The following BPTF variants were observed in gnomAD, a reference collection of about 807,000 sequenced individuals.
BPTF encodes nucleosome-remodeling factor subunit BPTF.
In BPTF, 18 loss-of-function variants were observed where a neutral mutation model predicts 292.5. The observed-to-expected ratio is 0.06, with a 90% CI of 0.04 to 0.09. The LOEUF is 0.09. Ranked by LOEUF, BPTF falls within the 10% of genes least tolerant of loss-of-function variation. The pLI, the probability that BPTF is intolerant of heterozygous loss-of-function variation, is 1.00. For synonymous variants in BPTF, 1,225 were observed against 1,251.9 expected, an observed-to-expected ratio of 0.98 and a Z score of 0.45; for missense variants, 2,726 against 3,498.7, an observed-to-expected ratio of 0.78 and a Z score of 5.57.
At chr17:67,826,360 G>T (rs754051052) in intron 1 of BPTF, 23 bp downstream of exon 1, 84 of 1,590,166 alleles carry the variant, frequency 5.3e-5, no homozygotes, top group Non-Finnish European at 6.7e-5. Context: ...CCCAGTTGCT[G>T]CAGACTCCTT....
At chr17:67,952,555 G>A (rs1374643305) in intron 23 of BPTF, among the ~76,000 whole-genome samples, 2 of 152,022 alleles carry the variant, frequency 1.3e-5, no homozygotes, top group Non-Finnish European at 2.9e-5. Context: ...GAGCCACCAC[G>A]CCCAGCCAAT....
chr17:67,845,701 G>A (rs1047278198), intron 1 of BPTF, among the ~76,000 whole-genome samples: 1 of 152,042 alleles, frequency 6.6e-6, no homozygotes, highest in Non-Finnish European at 1.5e-5. Context: ...TTGAGCCCAG[G>A]AGGTGAGGCT....
Position 67,826,174 on chromosome 17 carries a change from C to G in BPTF, c.450C>G (p.Gly150=). The change falls in exon 1 of 28, where the codon GGC becomes GGG. Residue 150 remains glycine (G), a synonymous_variant. Transcript: ENST00000306378. ...CCGAGGAGGAGGAGGAGGAGGACGG[C>G]GACGCCGAGGAGACCCAGGATTCTG... ...MVSEEEEEED[G]DAEETQDSED... is the part of the protein sequence containing the mutation. 6.3e-7 allele frequency: 1 copy of G among 1,590,940 alleles called. No homozygotes were observed. Among genetic ancestry groups the G allele is most frequent in the South Asian group, 1.1e-5 (1 of 90,614 alleles).
chr17:67,891,819 G>T, intron 4 of BPTF, 25 bp from the exon 5 acceptor site: 1 of 1,526,728 alleles, frequency 6.5e-7, no homozygotes, highest in Non-Finnish European at 8.8e-7. Context: ...GTCAGCAATT[G>T]CTTTGTGGCC....
At chr17:67,896,794 A>G (rs1457828789) in intron 7 of BPTF, among the ~76,000 whole-genome samples, 1 of 152,228 alleles carries the variant, frequency 6.6e-6, no homozygotes, top group African/African-American at 2.4e-5. Flanking sequence ...TGTCACATGC[A>G]ATTAAAGACT....
At chr17:67,977,173 GTCA>G (rs1555694428) in intron 27 of BPTF, among the ~76,000 whole-genome samples, 1 of 152,168 alleles carries the variant, frequency 6.6e-6, no homozygotes, top group East Asian at 1.9e-4. Flanking sequence ...TATATTTTCA[GTCA>G]TGTGAGGACT....
intron 7 of BPTF, among the ~76,000 whole-genome samples, chr17:67,896,015 G>A (rs1351991542): frequency 6.7e-6 from 1 of 149,882 alleles, no homozygotes; most frequent in Non-Finnish European, 1.5e-5. Flanking sequence ...CCAGGCTGGA[G>A]TGCAGTGGCG....
chr17:67,974,373 A>G (rs2069144936), intron 26 of BPTF: 1 of 152,104 alleles, frequency 6.6e-6, no homozygotes, highest in African/African-American at 2.4e-5. Context: ...CTGGTCAGCA[A>G]GAAGTGGGTG....
intron 6 of BPTF, 23 bp from the exon 7 acceptor site, chr17:67,894,011 C>A (rs1339853747): frequency 6.2e-7 from 1 of 1,606,748 alleles, no homozygotes; most frequent in Non-Finnish European, 8.5e-7. Flanking sequence ...GAAATAATTT[C>A]TCTCATTTCT....
At chr17:67,853,390 A>G (rs902452855) in intron 1 of BPTF, among the ~76,000 whole-genome samples, 1 of 152,012 alleles carries the variant, frequency 6.6e-6, no homozygotes, top group African/African-American at 2.4e-5. Context: ...CCTTGAGCCC[A>G]TGCTTCGCTG....
chr17:67,874,728 T>C (rs2059949704), intron 3 of BPTF, 89 bp from the exon 4 acceptor site: 1 of 819,882 alleles, frequency 1.2e-6, no homozygotes, highest in Non-Finnish European at 2.0e-6. Context: ...CTTTAATAGC[T>C]TGTATTGAAA....
At chr17:67,937,503 G>A (rs1480166323) in intron 18 of BPTF, among the ~76,000 whole-genome samples, 3 of 152,132 alleles carry the variant, frequency 2.0e-5, no homozygotes, top group African/African-American at 7.2e-5. Flanking sequence ...GGCCTGAGAA[G>A]GACTCACTAA....
intron 27 of BPTF, chr17:67,981,825 G>A: frequency 1.3e-6 from 1 of 762,738 alleles, no homozygotes; most frequent in African/African-American, 2.0e-5. Context: ...TTTTGTTTTA[G>A]CGTAATTTTT....
In BPTF at chr17:67,953,106, C is replaced by T. The variant is rs142178290; in HGVS notation, c.7926+4800C>T. Among the ~76,000 whole-genome samples the T allele has an allele frequency of 7.5e-4, 114 of 152,100 alleles. 1 individual carries two copies. Among genetic ancestry groups the T allele is most frequent in the African/African-American group, 2.6e-3 (107 of 41,478 alleles). On this transcript the variant is annotated intron_variant, in intron 23 of 27. Transcript: ENST00000306378. Reference sequence around the variant, plus strand: ...CTTCCCGAGTAGCTGGGACTACAGGCGCAGGCTGCAACGCCTGGCTAGTTT... The same window carrying T: ...CTTCCCGAGTAGCTGGGACTACAGGTGCAGGCTGCAACGCCTGGCTAGTTT...
At chr17:67,936,850 C>T (rs1249029831) in intron 18 of BPTF, among the ~76,000 whole-genome samples, 3 of 152,028 alleles carry the variant, frequency 2.0e-5, no homozygotes, top group East Asian at 1.9e-4. Context: ...CCCATTTTAC[C>T]GATGAGAAAA....
chr17:67,875,814 G>A, intron 4 of BPTF: 1 of 1,275,556 alleles, frequency 7.8e-7, no homozygotes, highest in Non-Finnish European at 1.0e-6. Flanking sequence ...AAAGCCGAAT[G>A]TCACCTAAAA....
chr17:67,884,246 C>T (rs759298289), intron 4 of BPTF, among the ~76,000 whole-genome samples: 6 of 150,326 alleles, frequency 4.0e-5, no homozygotes, highest in South Asian at 2.1e-4. Flanking sequence ...GCTGGGATTA[C>T]AGGCATGCAC....
intron 1 of BPTF, among the ~76,000 whole-genome samples, chr17:67,828,390 C>A (rs939877952): frequency 1.2e-4 from 18 of 152,262 alleles, no homozygotes; most frequent in African/African-American, 4.3e-4. Flanking sequence ...CAGGACAGTT[C>A]AGCTAACTTT....
At chr17:67,917,171 C>T (rs762239657) in intron 11 of BPTF, among the ~76,000 whole-genome samples, 9 of 117,218 alleles carry the variant, frequency 7.7e-5, no homozygotes, top group African/African-American at 1.3e-4. Flanking sequence ...CTCACACTGC[C>T]GCCCGAGGTG....
Sources: gnomAD v4.1 joint callset for allele counts (sites outside exome capture counted in the v4.1 genomes callset) on GRCh38, gnomAD v4.1.1 for gene constraint, MANE v1.5 for transcripts, NCBI Gene and HGNC (gene_info 2026-07-23, HGNC 2026-07-21) for gene names.